Variants in TPST1 observed in about 807,000 individuals in gnomAD.
TPST1 encodes tyrosylprotein sulfotransferase 1.
Under a neutral mutation model 34.8 loss-of-function variants are expected in TPST1, and 20 were observed. That is an observed-to-expected ratio of 0.57 (90% CI 0.40 to 0.84). TPST1 has a LOEUF of 0.84. TPST1 is among the 40% of genes least tolerant of loss of function. The pLI, the probability that TPST1 is intolerant of heterozygous loss-of-function variation, is 0.00. For missense variants in TPST1, 353 were observed against 455.5 expected (o/e 0.78, Z 2.05); for synonymous variants, 152 against 159.4 (o/e 0.95, Z 0.35).
intron 2 of TPST1, among the ~76,000 whole-genome samples, chr7:66,269,579 C>T (rs1333925376): frequency 6.9e-6 from 1 of 144,960 alleles, no homozygotes; most frequent in African/African-American, 2.6e-5. Flanking sequence ...TAAGAAGGAA[C>T]AGGAAAAACA....
intron 1 of TPST1, among the ~76,000 whole-genome samples, chr7:66,218,719 C>T (rs1447473024): frequency 6.6e-6 from 1 of 151,864 alleles, no homozygotes. Flanking sequence ...TGGTGGCGGG[C>T]GCCTGTAGTC....
chr7:66,204,375 C>T (rs1789077601), upstream of TPST1, among the ~76,000 whole-genome samples: 1 of 152,146 alleles, frequency 6.6e-6, no homozygotes, highest in Admixed American at 6.6e-5. Context: ...GCCACCATGC[C>T]CGGCTAATTT....
Position 66,240,468 on chromosome 7 carries a change from G to T in TPST1, c.43G>T (p.Val15Leu). The change falls in exon 2 of 6, where the codon GTG becomes TTG. Residue 15 changes from valine to leucine, a missense_variant. Transcript: ENST00000304842. ...LKQNLLLACL[V>L]ISSVTVFYLG... ...GCAGAACTTACTATTGGCATGTCTG[G>T]TGATTAGTTCTGTGACTGTGTTTTA... 1 of 1,614,174 alleles carries T rather than the reference G, an allele frequency of 6.2e-7. No homozygotes were observed. Among genetic ancestry groups the T allele is most frequent in the African/African-American group, 1.3e-5 (1 of 75,042 alleles).
chr7:66,350,500 T>G (rs188786064), intron 3 of TPST1, among the ~76,000 whole-genome samples: 54 of 152,184 alleles, frequency 3.5e-4, no homozygotes, highest in Admixed American at 3.4e-3. Context: ...GTGTCTCTAC[T>G]TCAGTTTAGG....
At chr7:66,282,540 C>T (rs1250606994) in intron 2 of TPST1, among the ~76,000 whole-genome samples, 2 of 152,180 alleles carry the variant, frequency 1.3e-5, no homozygotes, top group Non-Finnish European at 2.9e-5. Context: ...TCATTATCCT[C>T]AGTCTCTTAG....
At chr7:66,286,367 G>A in intron 2 of TPST1, 144 bp from the exon 3 acceptor site, 1 of 564,606 alleles carries the variant, frequency 1.8e-6, no homozygotes, top group Non-Finnish European at 2.7e-6. Flanking sequence ...GGTAAATAGT[G>A]TCAAACCTGA....
At chr7:66,212,706 C>G (rs951396490) in intron 1 of TPST1, among the ~76,000 whole-genome samples, 1 of 152,120 alleles carries the variant, frequency 6.6e-6, no homozygotes, top group Non-Finnish European at 1.5e-5. Context: ...GTGATTCCCC[C>G]ACCTTGGCCT....
chr7:66,240,242 C>A, intron 1 of TPST1, 83 bp from the exon 2 acceptor site: 1 of 728,448 alleles, frequency 1.4e-6, no homozygotes, highest in Non-Finnish European at 2.2e-6. Context: ...TTCTTTCTAC[C>A]TAAAATGCAG....
At chr7:66,236,145 C>T (rs1000433203) in intron 1 of TPST1, among the ~76,000 whole-genome samples, 4 of 152,106 alleles carry the variant, frequency 2.6e-5, no homozygotes, top group African/African-American at 7.2e-5. Flanking sequence ...TAAGCAGTTC[C>T]CAGCTTGACT....
intron 3 of TPST1, among the ~76,000 whole-genome samples, chr7:66,300,716 T>TTA (rs1791296957): frequency 6.6e-6 from 1 of 152,060 alleles, no homozygotes; most frequent in Non-Finnish European, 1.5e-5. Flanking sequence ...GAGGCCAAGG[T>TTA]GGATGGATCA....
chr7:66,340,470 A>G (rs906038137), intron 3 of TPST1, among the ~76,000 whole-genome samples: 8 of 152,208 alleles, frequency 5.3e-5, no homozygotes, highest in Non-Finnish European at 5.9e-5. Context: ...TGCAGATAAC[A>G]TGATCCTGTA....
At chr7:66,315,344 CTG>C (rs1791612089) in intron 3 of TPST1, among the ~76,000 whole-genome samples, 1 of 152,254 alleles carries the variant, frequency 6.6e-6, no homozygotes, top group African/African-American at 2.4e-5. Context: ...CCTACAGGTG[CTG>C]TGTCTCTAGA....
chr7:66,199,999 G>A, the TPST1 span, among the ~76,000 whole-genome samples: 1 of 152,138 alleles, frequency 6.6e-6, no homozygotes, highest in Non-Finnish European at 1.5e-5. Context: ...CAAAGTGCTG[G>A]GATTACAGGC....
intron 2 of TPST1, among the ~76,000 whole-genome samples, chr7:66,268,846 G>A (rs1036166009): frequency 2.0e-5 from 3 of 151,928 alleles, no homozygotes; most frequent in African/African-American, 4.8e-5. Context: ...GCGCCACCAC[G>A]CCTAGCTAAT....
At chr7:66,260,839 G>A (rs944283444) in intron 2 of TPST1, among the ~76,000 whole-genome samples, 3 of 152,142 alleles carry the variant, frequency 2.0e-5, no homozygotes, top group African/African-American at 7.2e-5. Context: ...ACCTGGCTGA[G>A]TACTCTACTA....
At chr7:66,353,482 A>G (rs956681354) in intron 4 of TPST1, among the ~76,000 whole-genome samples, 3 of 152,308 alleles carry the variant, frequency 2.0e-5, no homozygotes, top group Admixed American at 1.3e-4. Flanking sequence ...AATAAAAAAA[A>G]TTAAGCAGAT....
At chr7:66,333,612 C>T (rs1792038230) in intron 3 of TPST1, among the ~76,000 whole-genome samples, 1 of 152,126 alleles carries the variant, frequency 6.6e-6, no homozygotes, top group African/African-American at 2.4e-5. Flanking sequence ...GAATAATTAA[C>T]AGTAAAGTTA....
chr7:66,218,874 G>GTTTTA lies in TPST1; in HGVS notation c.-102+13372_-102+13376dup, dbSNP rs919806539. ...AAAAAAAAAAAATTGTTATTATAGT[G>GTTTTA]TTTTATTTTATTTTATTTTATTTTG... On this transcript the variant is annotated intron_variant, in intron 1 of 5. Transcript: ENST00000304842. 1.8e-4 allele frequency among the ~76,000 whole-genome samples: 27 copies of GTTTTA among 151,128 alleles called. No individual in the cohort carries two copies. In the East Asian group the frequency reaches 3.1e-3, roughly 18 times the overall value.
Position 66,360,231 on chromosome 7 carries a change from C to A in TPST1, c.*366C>A, listed in dbSNP as rs1792663491. On this transcript the variant is annotated 3_prime_UTR_variant, in exon 6 of 6. Coordinates refer to ENST00000304842, the MANE Select transcript of TPST1 (RefSeq NM_003596.4). The stretch of plus-strand genomic sequence containing the variant: ...ATGGGATCCTGTAAGCAGACTTGGG[C>A]AGTCTCCTTTTGAAATAGGTTGTCT... 3.6e-6 allele frequency: 1 copy of A among 278,384 alleles called. No individual in the cohort carries two copies. The highest frequency in any genetic ancestry group is 7.2e-6 in the Non-Finnish European group (1 of 139,160). The allele number at this position is 278,384 out of a possible 1,614,324, so 17.2% of individuals were successfully genotyped here.
Sources: gnomAD v4.1 joint callset for allele counts (sites outside exome capture counted in the v4.1 genomes callset) on GRCh38, gnomAD v4.1.1 for gene constraint, MANE v1.5 for transcripts, NCBI Gene and HGNC (gene_info 2026-07-23, HGNC 2026-07-21) for gene names.